ANO3: variants seen among roughly 807,000 people sequenced by gnomAD.
The protein encoded by ANO3 is anoctamin-3.
A neutral mutation model predicts 144.8 loss-of-function variants in ANO3; 99 were observed. The observed-to-expected ratio is 0.68, with a 90% CI of 0.58 to 0.81. The LOEUF (loss-of-function observed/expected upper bound fraction) is 0.81. ANO3 is among the 30% of genes least tolerant of loss of function. ANO3 has a pLI of 0.00. For synonymous variants in ANO3, 414 were observed against 392.6 expected, an observed-to-expected ratio of 1.05 and a Z score of -0.64; for missense variants, 905 against 1,202.2, an observed-to-expected ratio of 0.75 and a Z score of 3.66.
intron 17 of ANO3, among the ~76,000 whole-genome samples, chr11:26,610,504 C>A (rs10767558): frequency 6.6e-6 from 1 of 151,860 alleles, no homozygotes; most frequent in African/African-American, 2.4e-5. Flanking sequence ...GTTTCCTTTG[C>A]TGTGTAAAAA....
chr11:26,469,898 A>C (rs1284262562), intron 4 of ANO3, among the ~76,000 whole-genome samples: 1 of 38,304 alleles, frequency 2.6e-5, no homozygotes, highest in Admixed American at 4.7e-4. Context: ...AAATGTAAGC[A>C]ATGTTTTTTG....
At chr11:26,299,380 T>C (rs960435643) in intron 1 of ANO3, among the ~76,000 whole-genome samples, 7 of 152,208 alleles carry the variant, frequency 4.6e-5, no homozygotes, top group Non-Finnish European at 1.0e-4. Flanking sequence ...AGTGAAGTGA[T>C]AAGAGGAAAA....
intron 21 of ANO3, 119 bp from the exon 22 acceptor site, chr11:26,641,777 C>G: frequency 9.0e-7 from 1 of 1,106,376 alleles, no homozygotes; most frequent in Non-Finnish European, 1.2e-6. Flanking sequence ...AAGGTAAAAC[C>G]AAATACCTCC....
At chr11:26,256,396 A>G (rs1295710011) in intron 1 of ANO3, among the ~76,000 whole-genome samples, 1 of 152,126 alleles carries the variant, frequency 6.6e-6, no homozygotes, top group Non-Finnish European at 1.5e-5. Context: ...CAAATTCTTC[A>G]TTATGTTTTT....
At chr11:26,439,863 C>A (rs1392739152) in intron 1 of ANO3, among the ~76,000 whole-genome samples, 1 of 152,038 alleles carries the variant, frequency 6.6e-6, no homozygotes, top group Non-Finnish European at 1.5e-5. Context: ...CAGAGTAAAA[C>A]AAATTTTAAT....
At chr11:26,558,912 A>G (rs999793878) in intron 13 of ANO3, 23 of 151,654 alleles carry the variant, frequency 1.5e-4, no homozygotes, top group African/African-American at 5.6e-4. Context: ...TATTTTCTCT[A>G]TCGTTTCTAT....
chr11:26,225,854 G>A (rs1473357019), intron 1 of ANO3, among the ~76,000 whole-genome samples: 2 of 151,934 alleles, frequency 1.3e-5, no homozygotes, highest in Non-Finnish European at 2.9e-5. Flanking sequence ...TTGTACTTTC[G>A]TGTTATGGTT....
At position 26,463,132 on chromosome 11, in the gene ANO3, A is replaced by G. The variant is rs1216298269; in HGVS notation, c.416A>G (p.Lys139Arg). 2.6e-6 allele frequency: 4 copies of G among 1,562,838 alleles called. No homozygotes were observed. Among genetic ancestry groups the G allele is most frequent in the Non-Finnish European group, 3.5e-6 (4 of 1,144,850 alleles). Residue 139 changes from lysine to arginine, a missense_variant, in exon 4 of 27, where the codon AAG (lysine) becomes AGG (arginine). Coordinates refer to ENST00000256737, the MANE Select transcript of ANO3 (RefSeq NM_031418.4). ...DFVIKDKSEF[K>R]TKLSKNDMNY... Reference sequence around the variant, plus strand: ...GTTATCAAAGATAAATCTGAATTCAAGACAAAATTATCTAAGGTAATGAGA... The same window carrying G: ...GTTATCAAAGATAAATCTGAATTCAGGACAAAATTATCTAAGGTAATGAGA...
At chr11:26,267,106 AAAAG>A (rs979342587) in intron 1 of ANO3, among the ~76,000 whole-genome samples, 5 of 145,962 alleles carry the variant, frequency 3.4e-5, no homozygotes, top group Non-Finnish European at 4.6e-5. Context: ...ACAAAAAAAA[AAAAG>A]AAAAGAAAAG....
intron 4 of ANO3, among the ~76,000 whole-genome samples, chr11:26,476,224 G>A (rs781128916): frequency 1.3e-5 from 2 of 152,076 alleles, no homozygotes; most frequent in Non-Finnish European, 2.9e-5. Flanking sequence ...GTAGTCTAGT[G>A]GAGGAATAAG....
upstream of ANO3, among the ~76,000 whole-genome samples, chr11:26,307,651 G>A (rs190372365): frequency 1.4e-3 from 207 of 151,402 alleles, no homozygotes; most frequent in African/African-American, 4.3e-3. Context: ...TCCAGGAGGT[G>A]GAGGTCGCAG....
At chr11:26,448,312 A>AG (rs1565030550) in intron 3 of ANO3, among the ~76,000 whole-genome samples, 3 of 151,896 alleles carry the variant, frequency 2.0e-5, no homozygotes, top group East Asian at 1.9e-4. Flanking sequence ...AAAAAAAAAA[A>AG]AAAGAAAGAA....
chr11:26,496,007 A>G (rs1860922912), intron 4 of ANO3, among the ~76,000 whole-genome samples: 1 of 152,236 alleles, frequency 6.6e-6, no homozygotes, highest in Non-Finnish European at 1.5e-5. Flanking sequence ...TAGAGGTCTG[A>G]CATTTCAAGT....
chr11:26,632,483 T>C (rs2133037000), intron 18 of ANO3, among the ~76,000 whole-genome samples: 1 of 149,458 alleles, frequency 6.7e-6, no homozygotes, highest in South Asian at 2.1e-4. Context: ...GCCATTGTAG[T>C]CCAGCCTGGG....
At chr11:26,293,553 A>G (rs376150648) in intron 1 of ANO3, among the ~76,000 whole-genome samples, 21 of 134,018 alleles carry the variant, frequency 1.6e-4, no homozygotes, top group Admixed American at 5.8e-4. Flanking sequence ...ATATATATAT[A>G]TATATATATA....
chr11:26,570,718 T>C (rs1850790044), intron 14 of ANO3, among the ~76,000 whole-genome samples: 1 of 152,180 alleles, frequency 6.6e-6, no homozygotes, highest in Non-Finnish European at 1.5e-5. Context: ...ATGGGTTTTG[T>C]TTGTCTCTCA....
chr11:26,224,352 C>T (rs1023397757), intron 1 of ANO3, among the ~76,000 whole-genome samples: 1 of 152,224 alleles, frequency 6.6e-6, no homozygotes, highest in Admixed American at 6.5e-5. Flanking sequence ...CAGTCCACAT[C>T]TTTCTCCATC....
chr11:26,490,142 G>A (rs1033133200), intron 4 of ANO3, among the ~76,000 whole-genome samples: 2 of 152,052 alleles, frequency 1.3e-5, no homozygotes, highest in Non-Finnish European at 2.9e-5. Context: ...TTGAATCATG[G>A]GGGCTGGTTT....
intron 14 of ANO3, among the ~76,000 whole-genome samples, chr11:26,589,328 A>G (rs1209587134): frequency 7.1e-6 from 1 of 141,354 alleles, no homozygotes; most frequent in Non-Finnish European, 1.6e-5. Context: ...GCAACTATGA[A>G]CATTGTATTT....
Sources: gnomAD v4.1 joint callset for allele counts (sites outside exome capture counted in the v4.1 genomes callset) on GRCh38, gnomAD v4.1.1 for gene constraint, MANE v1.5 for transcripts, NCBI Gene and HGNC (gene_info 2026-07-23, HGNC 2026-07-21) for gene names.